RPP30: variants seen among roughly 807,000 people sequenced by gnomAD.
RPP30 encodes ribonuclease P/MRP subunit p30.
In RPP30, 36 loss-of-function variants were observed where a neutral mutation model predicts 38.6. That is an observed-to-expected ratio of 0.93 (90% CI 0.71 to 1.23). The LOEUF is 1.23. Ranked by LOEUF, RPP30 falls within the 50% of genes most tolerant of loss-of-function variation. The pLI, the probability that RPP30 is intolerant of heterozygous loss-of-function variation, is 0.00. For synonymous variants in RPP30, 126 were observed against 112.7 expected, an observed-to-expected ratio of 1.12 and a Z score of -0.75; for missense variants, 321 against 321.7, an observed-to-expected ratio of 1.00 and a Z score of 0.02.
At chr10:90,895,833 G>A in intron 8 of RPP30, 47 bp from the exon 9 acceptor site, 3 of 1,349,992 alleles carry the variant, frequency 2.2e-6, no homozygotes, top group Non-Finnish European at 3.1e-6. Context: ...TCATTGAAAT[G>A]TTATAAATAA....
chr10:90,886,756 A>G (rs1392240316), intron 6 of RPP30, among the ~76,000 whole-genome samples: 1 of 152,228 alleles, frequency 6.6e-6, no homozygotes, highest in Non-Finnish European at 1.5e-5. Flanking sequence ...AGTCAAAATT[A>G]CATATCCAAT....
exon 5 of RPP30, chr10:90,908,547 A>G (rs1417033783): frequency 1.3e-5 from 2 of 152,162 alleles, no homozygotes; most frequent in South Asian, 2.1e-4. Context: ...AAACTTTTTC[A>G]TTATTATTAT....
chr10:90,879,566 C>A (rs181421835), intron 5 of RPP30, among the ~76,000 whole-genome samples: 1 of 152,174 alleles, frequency 6.6e-6, no homozygotes. Flanking sequence ...CCTTTGCATG[C>A]TCTGTGGTAT....
At chr10:90,872,136 T>G in intron 1 of RPP30, 68 bp downstream of exon 1, 17 of 1,284,960 alleles carry the variant, frequency 1.3e-5, no homozygotes, top group African/African-American at 2.9e-5. Flanking sequence ...CACTCCGGAG[T>G]AACTATTTCC....
intron 6 of RPP30, among the ~76,000 whole-genome samples, chr10:90,892,115 C>T: frequency 6.6e-6 from 1 of 152,202 alleles, no homozygotes; most frequent in South Asian, 2.1e-4. Context: ...TCTTTATGAC[C>T]ATTATTTTTC....
intron 2 of RPP30, 52 bp downstream of exon 2, chr10:90,874,976 C>T: frequency 8.6e-7 from 1 of 1,160,370 alleles, no homozygotes; most frequent in Non-Finnish European, 1.2e-6. Flanking sequence ...ATTTGTAATT[C>T]TGTTTGTATT....
At chr10:90,882,670 A>G (rs1186049057) in intron 5 of RPP30, among the ~76,000 whole-genome samples, 1 of 151,908 alleles carries the variant, frequency 6.6e-6, no homozygotes, top group Non-Finnish European at 1.5e-5. Flanking sequence ...CTCAAAGAAA[A>G]AAGTAAATGG....
chr10:90,884,819 A>ACATG (rs1376334248), intron 5 of RPP30, among the ~76,000 whole-genome samples: 7 of 152,196 alleles, frequency 4.6e-5, no homozygotes, highest in African/African-American at 1.2e-4. Flanking sequence ...TTCCCCTGGT[A>ACATG]CATGCCACTG....
intron 3 of RPP30, 100 bp downstream of exon 3, chr10:90,875,714 A>G: frequency 1.0e-6 from 1 of 989,448 alleles, no homozygotes; most frequent in Non-Finnish European, 1.6e-6. Context: ...CCTTACTCTG[A>G]GTACCAGTCT....
rs1222529224 is a variant in RPP30 at position 90,901,434 on chromosome 10, T to C, written c.*755T>C. ...TCATGTATTCAAATCAGCATTTTTT[T>C]CTAAGAAATTGCTATAGAATTTGTG... On this transcript the variant is annotated 3_prime_UTR_variant, in exon 11 of 11. Coordinates refer to ENST00000371703, the MANE Select transcript of RPP30 (RefSeq NM_006413.5). 2 of 985,098 alleles carry C rather than the reference T, an allele frequency of 2.0e-6. No homozygotes were observed. Among genetic ancestry groups the C allele is most frequent in the South Asian group, 4.7e-5 (1 of 21,288 alleles). 61.0% of individuals were successfully genotyped at this position (985,098 alleles called of 1,614,324 possible).
chr10:90,877,985 A>G (rs2120187343), intron 4 of RPP30, among the ~76,000 whole-genome samples: 1 of 152,354 alleles, frequency 6.6e-6, no homozygotes. Flanking sequence ...TTGCTAAAGA[A>G]ATTGTGAAAA....
At chr10:90,893,880 T>C (rs1217516578) in intron 6 of RPP30, among the ~76,000 whole-genome samples, 7 of 152,242 alleles carry the variant, frequency 4.6e-5, no homozygotes, top group Non-Finnish European at 5.9e-5. Flanking sequence ...TAAAACATCT[T>C]TTGTGAATGG....
chr10:90,900,945 C>T lies in RPP30; in HGVS notation c.*266C>T, dbSNP rs7917835. ...TCTCCTTTGTGTAAGTGATAAACAA[C>T]AGCAAATATACTTGAATAAAATGTT... On this transcript the variant is annotated 3_prime_UTR_variant, in exon 11 of 11. Transcript: ENST00000371703. 0.037 allele frequency: 42,265 copies of T among 1,140,858 alleles called. 1,973 individuals are homozygous for T. The highest frequency in any genetic ancestry group is 0.18 in the East Asian group (3,913 of 21,266). 70.7% of individuals were successfully genotyped at this position (1,140,858 alleles called of 1,614,324 possible). A position where few individuals can be genotyped will look rare whatever the true frequency, so the allele number is the denominator to read the frequency against.
At chr10:90,889,282 A>G (rs561810773) in intron 6 of RPP30, among the ~76,000 whole-genome samples, 1 of 151,612 alleles carries the variant, frequency 6.6e-6, no homozygotes, top group Non-Finnish European at 1.5e-5. Context: ...TTGGCTTTAA[A>G]AGGATCACTT....
rs762305187 is a variant in RPP30, at chr10:90,879,095, T to C, written c.303T>C (p.Asp101=). The C allele has an allele frequency of 1.9e-6, 3 of 1,614,070 alleles. No homozygotes were observed. Among genetic ancestry groups the C allele is most frequent in the Non-Finnish European group, 2.5e-6 (3 of 1,179,982 alleles). ...CTTCTTCAAGGGCCCGGCTCTATGA[T>C]GTTGTTGCAGTTTTTCCAAAGACAG... is the stretch of plus-strand genomic sequence containing the variant. The part of the protein sequence containing the change: ...RATSSRARLY[D]VVAVFPKTEK... Residue 101 remains aspartate, a synonymous_variant, in exon 5 of 11, where the codon GAT becomes GAC. Transcript: ENST00000371703.
chr10:90,883,312 A>T (rs1846957267), intron 5 of RPP30, among the ~76,000 whole-genome samples: 1 of 150,780 alleles, frequency 6.6e-6, no homozygotes, highest in African/African-American at 2.4e-5. Context: ...AAAAATTGGT[A>T]TGGACAACTG....
exon 5 of RPP30, chr10:90,908,316 C>T (rs1441970821): frequency 6.6e-6 from 1 of 152,082 alleles, no homozygotes; most frequent in Non-Finnish European, 1.5e-5. Context: ...TTTTTCTTAC[C>T]ACAGGTCTTA....
intron 10 of RPP30, among the ~76,000 whole-genome samples, chr10:90,898,588 CTA>C (rs571117997): frequency 1.5e-3 from 228 of 152,270 alleles, no homozygotes; most frequent in African/African-American, 5.1e-3. Flanking sequence ...CACTGAAACA[CTA>C]TTGGAAAATG....
downstream of RPP30, chr10:90,902,300 CT>C: frequency 2.4e-6 from 1 of 412,414 alleles, no homozygotes. Context: ...TCACTGCAAC[CT>C]TTGCCTCTTG....
Sources: gnomAD v4.1 joint callset for allele counts (sites outside exome capture counted in the v4.1 genomes callset) on GRCh38, gnomAD v4.1.1 for gene constraint, MANE v1.5 for transcripts, NCBI Gene and HGNC (gene_info 2026-07-23, HGNC 2026-07-21) for gene names.